The following TMC5 variants were observed in gnomAD, a reference collection of about 807,000 sequenced individuals.
TMC5 encodes the protein transmembrane channel like 5.
In TMC5, 86 loss-of-function variants were observed where a neutral mutation model predicts 110.5. The ratio of observed to expected loss-of-function variants is 0.78; its 90% CI spans 0.65 to 0.93. The LOEUF (loss-of-function observed/expected upper bound fraction) is 0.93, where lower values mean the gene tolerates loss of function less well. Ranked by LOEUF, TMC5 falls within the 40% of genes least tolerant of loss-of-function variation. TMC5 has a pLI of 0.00. For missense variants in TMC5, 1,144 were observed against 1,222.8 expected, an observed-to-expected ratio of 0.94 and a Z score of 0.96; for synonymous variants, 455 against 439.5, an observed-to-expected ratio of 1.04 and a Z score of -0.44.
intron 6 of TMC5, among the ~76,000 whole-genome samples, chr16:19,460,868 G>A (rs914376869): frequency 6.6e-6 from 1 of 152,188 alleles, no homozygotes; most frequent in East Asian, 1.9e-4. Flanking sequence ...CTACAGAGAC[G>A]TGACAGGCTG....
At chr16:19,442,656 G>A (rs1369604262) in intron 3 of TMC5, among the ~76,000 whole-genome samples, 2 of 152,278 alleles carry the variant, frequency 1.3e-5, no homozygotes, top group Non-Finnish European at 2.9e-5. Context: ...AAGTCAGTTT[G>A]TGGTTTAATC....
intron 2 of TMC5, among the ~76,000 whole-genome samples, chr16:19,433,994 ATATATATAT>A: frequency 8.3e-6 from 1 of 120,432 alleles, no homozygotes; most frequent in East Asian, 2.1e-4. Flanking sequence ...TAATTTATAT[ATATATATAT>A]TATATATATA....
At chr16:19,466,015 A>G in intron 8 of TMC5, 67 bp from the exon 9 acceptor site, 21 of 1,558,646 alleles carry the variant, frequency 1.3e-5, no homozygotes, top group Non-Finnish European at 1.7e-5. Context: ...GTCAACTCTC[A>G]TGACCATAAT....
chr16:19,417,112 A>G (rs1391357884), upstream of TMC5, among the ~76,000 whole-genome samples: 21 of 149,740 alleles, frequency 1.4e-4, no homozygotes, highest in Middle Eastern at 3.5e-3. Flanking sequence ...AAAAAAAAAA[A>G]AAGAAGAAAA....
intron 18 of TMC5, 151 bp downstream of exon 18, chr16:19,490,719 C>CTTCCTTCCT: frequency 9.7e-6 from 1 of 103,490 alleles, no homozygotes. Context: ...TCTTTCCTTC[C>CTTCCTTCCT]TTCCTTCCTT....
intron 12 of TMC5, among the ~76,000 whole-genome samples, chr16:19,476,585 A>G (rs1392125772): frequency 4.6e-5 from 7 of 152,204 alleles, no homozygotes; most frequent in South Asian, 2.1e-4. Context: ...GGATGATTCA[A>G]TAAAGAGGTT....
chr16:19,472,325 G>C, intron 11 of TMC5, 82 bp downstream of exon 11: 4 of 1,512,190 alleles, frequency 2.6e-6, no homozygotes, highest in South Asian at 1.1e-5. Context: ...TGCAGCCTAC[G>C]GTTCAACCCA....
intron 2 of TMC5, among the ~76,000 whole-genome samples, chr16:19,438,533 G>A (rs945401516): frequency 2.6e-5 from 4 of 151,370 alleles, no homozygotes; most frequent in African/African-American, 9.7e-5. Context: ...GATCACCTGA[G>A]GTCAGGAGTT....
intron 20 of TMC5, among the ~76,000 whole-genome samples, chr16:19,495,205 G>A (rs1446969981): frequency 1.6e-5 from 1 of 62,134 alleles, no homozygotes; most frequent in Admixed American, 1.4e-4. Context: ...TAGTAGAGAC[G>A]GGGTTTCACC....
intron 1 of TMC5, among the ~76,000 whole-genome samples, chr16:19,425,965 G>C (rs1967081538): frequency 6.6e-6 from 1 of 152,324 alleles, no homozygotes; most frequent in Non-Finnish European, 1.5e-5. Flanking sequence ...GGGATTACAG[G>C]CGTGAGCCAC....
chr16:19,464,226 A>G (rs1968100896), intron 8 of TMC5, among the ~76,000 whole-genome samples: 1 of 152,178 alleles, frequency 6.6e-6, no homozygotes, highest in Non-Finnish European at 1.5e-5. Context: ...AGCAGTGGAG[A>G]CCAGCCTGGG....
chr16:19,471,082 T>TA (rs1311462832), intron 10 of TMC5, among the ~76,000 whole-genome samples: 2 of 148,150 alleles, frequency 1.3e-5, no homozygotes. Context: ...AAAGGGGCTT[T>TA]AAATTTTTTT....
chr16:19,472,705 T>C (rs1385436009), intron 11 of TMC5, among the ~76,000 whole-genome samples: 1 of 152,006 alleles, frequency 6.6e-6, no homozygotes, highest in Non-Finnish European at 1.5e-5. Context: ...ATCTCTCCAT[T>C]GTACAGATGG....
Position 19,440,824 on chromosome 16 carries a change from G to C in TMC5, c.786G>C (p.Arg262Ser), listed in dbSNP as rs184466930. ...YGSSETPKMTRGVLSRTSSIQ... is the reference protein window; with the variant it reads ...YGSSETPKMTSGVLSRTSSIQ... ...CTTCTGAGACCCCAAAGATGACCAG[G>C]GGGTAAGTTCAGATATATATCCCTT... Residue 262 changes from arginine to serine, a missense_variant and splice_region_variant, in exon 3 of 22, where the codon AGG becomes AGC. Physicochemically the swap from Arg to Ser is moderately radical, Grantham distance 110 (BLOSUM62 -1). Coordinates refer to ENST00000542583, the MANE Select transcript of TMC5 (RefSeq NM_001261841.2). The C allele has an allele frequency of 1.0e-3, 1,638 of 1,611,946 alleles. 16 individuals carry two copies. Among genetic ancestry groups the C allele is most frequent in the East Asian group, 6.3e-3 (284 of 44,862 alleles).
chr16:19,465,652 T>C (rs904856973), intron 8 of TMC5, among the ~76,000 whole-genome samples: 4 of 152,246 alleles, frequency 2.6e-5, no homozygotes, highest in African/African-American at 9.6e-5. Flanking sequence ...TGGAATTGTC[T>C]GATGATTTCC....
At chr16:19,446,905 C>G (rs180940657) in intron 4 of TMC5, among the ~76,000 whole-genome samples, 5 of 152,246 alleles carry the variant, frequency 3.3e-5, no homozygotes, top group Admixed American at 6.5e-5. Context: ...ATAAAGTGTT[C>G]ACTCCTTAAG....
At chr16:19,467,043 G>T (rs990351595) in intron 9 of TMC5, among the ~76,000 whole-genome samples, 1 of 152,052 alleles carries the variant, frequency 6.6e-6, no homozygotes, top group African/African-American at 2.4e-5. Context: ...CTATTCGGGA[G>T]GCTGAGGTGG....
chr16:19,428,166 G>A (rs1013206087), intron 1 of TMC5, among the ~76,000 whole-genome samples: 2 of 152,106 alleles, frequency 1.3e-5, no homozygotes, highest in African/African-American at 4.8e-5. Context: ...AGATTTGATA[G>A]GCTTCAAACA....
At chr16:19,412,979 G>A (rs1201583925), upstream of TMC5, among the ~76,000 whole-genome samples, 1 of 152,054 alleles carries the variant, frequency 6.6e-6, no homozygotes, top group East Asian at 1.9e-4. Flanking sequence ...GAGTAGCTGG[G>A]ACTACAGGTG....
Sources: gnomAD v4.1 joint callset for allele counts (sites outside exome capture counted in the v4.1 genomes callset) on GRCh38, gnomAD v4.1.1 for gene constraint, MANE v1.5 for transcripts, NCBI Gene and HGNC (gene_info 2026-07-23, HGNC 2026-07-21) for gene names.